Variants in PEAK1 observed in about 807,000 individuals in gnomAD.
PEAK1 encodes the protein inactive tyrosine-protein kinase PEAK1.
PEAK1 carries 54 observed loss-of-function variants against 124.7 expected under a neutral mutation model. That is an observed-to-expected ratio of 0.43 (90% CI 0.35 to 0.54). The LOEUF is 0.54. Ranked by LOEUF, PEAK1 falls within the 20% of genes least tolerant of loss-of-function variation. The pLI is 0.01. For synonymous variants in PEAK1, 719 were observed against 760.0 expected, an observed-to-expected ratio of 0.95 and a Z score of 0.89; for missense variants, 2,046 against 2,134.5, an observed-to-expected ratio of 0.96 and a Z score of 0.82.
intron 1 of PEAK1, chr15:77,402,688 AG>A: frequency 1.0e-6 from 1 of 985,368 alleles, no homozygotes; most frequent in East Asian, 1.1e-4. Flanking sequence ...AATGGTTCCT[AG>A]TACACTGATA....
intron 6 of PEAK1, among the ~76,000 whole-genome samples, chr15:77,246,728 T>C (rs1417079677): frequency 6.6e-6 from 1 of 152,072 alleles, no homozygotes; most frequent in Non-Finnish European, 1.5e-5. Flanking sequence ...TTATTAATTG[T>C]GTATAGAAGG....
At position 77,377,171 on chromosome 15, in the gene PEAK1, G is replaced by C. The variant is rs572419200; in HGVS notation, c.-665-11946C>G. Among the ~76,000 whole-genome samples the C allele has an allele frequency of 2.0e-5, 3 of 152,274 alleles. No homozygotes were observed. In the South Asian group the frequency reaches 6.2e-4, roughly 32 times the overall value. ...AGACCAAGGTGAGAGGATCACTTGA[G>C]CCCTGTTTGAGACCAACCTAGGCAA... On this transcript the variant is annotated intron_variant, in intron 1 of 9. Coordinates refer to ENST00000682557, the MANE Select transcript of PEAK1 (RefSeq NM_001385026.1).
intron 1 of PEAK1, among the ~76,000 whole-genome samples, chr15:77,409,769 T>C (rs2072241636): frequency 6.6e-6 from 1 of 152,228 alleles, no homozygotes; most frequent in South Asian, 2.1e-4. Flanking sequence ...TCTTAGCATT[T>C]TTAGAATAAC....
rs577170293 is a variant in PEAK1 at position 77,281,287 on chromosome 15, T to C, written c.-275+2596A>G. On this transcript the variant is annotated intron_variant, in intron 5 of 9. Transcript: ENST00000682557. ...TATTGTTATTAATTTTTATAAGACA[T>C]GGTATTCATATTGCTGGAGAAAAGA... Among the ~76,000 whole-genome samples, 10 of 152,322 alleles carry C rather than the reference T, an allele frequency of 6.6e-5. No individual in the cohort carries two copies. In the East Asian group the frequency reaches 1.5e-3, roughly 23 times the overall value.
At chr15:77,132,107 G>T (rs1009584066) in intron 9 of PEAK1, among the ~76,000 whole-genome samples, 1 of 151,838 alleles carries the variant, frequency 6.6e-6, no homozygotes, top group African/African-American at 2.4e-5. Context: ...TTGAGACAGG[G>T]TCTCACTTTG....
intron 2 of PEAK1, among the ~76,000 whole-genome samples, chr15:77,354,762 A>T (rs571233476): frequency 6.6e-6 from 1 of 152,258 alleles, no homozygotes; most frequent in African/African-American, 2.4e-5. Flanking sequence ...TAGTAGGGCC[A>T]GGCGCGGTGG....
At chr15:77,208,506 A>G (rs757539221) in intron 6 of PEAK1, among the ~76,000 whole-genome samples, 2 of 152,168 alleles carry the variant, frequency 1.3e-5, no homozygotes, top group East Asian at 1.9e-4. Context: ...CACAGAACTT[A>G]TATCAGTGAG....
chr15:77,268,845 C>T (rs2061876118), intron 5 of PEAK1, among the ~76,000 whole-genome samples: 1 of 152,106 alleles, frequency 6.6e-6, no homozygotes, highest in South Asian at 2.1e-4. Flanking sequence ...CTAGAAGGGA[C>T]TGCAATCCTA....
intron 2 of PEAK1, among the ~76,000 whole-genome samples, chr15:77,310,104 CACTCAGAA>C (rs1424133111): frequency 2.6e-5 from 4 of 152,136 alleles, no homozygotes; most frequent in Non-Finnish European, 5.9e-5. Flanking sequence ...TGGTAGAGAA[CACTCAGAA>C]ACCAACTGAC....
intron 2 of PEAK1, chr15:77,334,556 T>C (rs900826301): frequency 1.2e-5 from 12 of 985,430 alleles, no homozygotes; most frequent in African/African-American, 1.7e-5. Context: ...TGGTTCTCTA[T>C]ACCTCCATCA....
rs901920864 is a variant in PEAK1 at position 77,203,570 on chromosome 15, G to A, written c.-114-21530C>T. On this transcript the variant is annotated intron_variant, in intron 6 of 9. Coordinates refer to ENST00000682557, the MANE Select transcript of PEAK1 (RefSeq NM_001385026.1). Reference sequence around the variant, plus strand: ...TCAAGACAGTATGATACTGGCAAAAGAACAGACAAATAGATCAATGGAACA... The same window carrying A: ...TCAAGACAGTATGATACTGGCAAAAAAACAGACAAATAGATCAATGGAACA... 5.9e-5 allele frequency among the ~76,000 whole-genome samples: 9 copies of A among 152,112 alleles called. No individual in the cohort carries two copies. The East Asian group carries it at 1.5e-3, about 26-fold the overall frequency.
chr15:77,299,772 T>A lies in PEAK1; in HGVS notation c.-602-13268A>T, dbSNP rs144477506. 6.6e-3 allele frequency among the ~76,000 whole-genome samples: 1,000 copies of A among 152,350 alleles called. 6 individuals are homozygous for A. The highest frequency in any genetic ancestry group is 0.011 in the Non-Finnish European group (730 of 68,020). On this transcript the variant is annotated intron_variant, in intron 2 of 9. Coordinates refer to ENST00000682557, the MANE Select transcript of PEAK1 (RefSeq NM_001385026.1). ...GTGTTCCTCACTGCATCCTATCAGC[T>A]AGGAATCATGGAATTAGAAAGATCA...
rs1201313376 is a variant in PEAK1 at position 77,399,389 on chromosome 15, G to A, written c.-666+20617C>T. 3.3e-5 allele frequency among the ~76,000 whole-genome samples: 5 copies of A among 152,168 alleles called. 1 individual carries two copies. The East Asian group carries it at 9.6e-4, about 29-fold the overall frequency. On this transcript the variant is annotated intron_variant, in intron 1 of 9. Transcript: ENST00000682557. ...ATGCTGAGAAAAAAAGAACATAACT[G>A]GAGGAATCACATTACCTTACTTCAA...
chr15:77,150,804 T>C (rs750030558), intron 8 of PEAK1, among the ~76,000 whole-genome samples: 1 of 152,066 alleles, frequency 6.6e-6, no homozygotes, highest in Non-Finnish European at 1.5e-5. Flanking sequence ...AGAATGATGG[T>C]TTCCAATTTC....
chr15:77,212,807 T>C (rs1567121460), intron 6 of PEAK1, among the ~76,000 whole-genome samples: 2 of 152,218 alleles, frequency 1.3e-5, no homozygotes, highest in African/African-American at 2.4e-5. Context: ...TGGCTTTTTA[T>C]AGAGTGATAT....
chr15:77,372,858 C>T (rs1162248611), intron 1 of PEAK1, among the ~76,000 whole-genome samples: 2 of 146,200 alleles, frequency 1.4e-5, no homozygotes, highest in Non-Finnish European at 3.1e-5. Context: ...GTGTGTAGCA[C>T]CTTCCTCCTC....
At chr15:77,122,051 G>A (rs930500517) in intron 9 of PEAK1, among the ~76,000 whole-genome samples, 1 of 151,992 alleles carries the variant, frequency 6.6e-6, no homozygotes, top group African/African-American at 2.4e-5. Flanking sequence ...TGCCTAGGAG[G>A]AGTATTGCTA....
At chr15:77,397,042 G>A (rs1374894241) in intron 1 of PEAK1, among the ~76,000 whole-genome samples, 1 of 152,142 alleles carries the variant, frequency 6.6e-6, no homozygotes, top group Non-Finnish European at 1.5e-5. Flanking sequence ...CATTCTCAAG[G>A]ATAGGTCATA....
chr15:77,352,278 C>T, intron 2 of PEAK1: 1 of 985,386 alleles, frequency 1.0e-6, no homozygotes, highest in Non-Finnish European at 1.2e-6. Context: ...AGCCATACCT[C>T]TCCCCCAGGA....
Sources: gnomAD v4.1 joint callset for allele counts (sites outside exome capture counted in the v4.1 genomes callset) on GRCh38, gnomAD v4.1.1 for gene constraint, MANE v1.5 for transcripts, NCBI Gene and HGNC (gene_info 2026-07-23, HGNC 2026-07-21) for gene names.